FGF13: variants seen among roughly 807,000 people sequenced by gnomAD.
FGF13 encodes the protein fibroblast growth factor homologous factor 2.
Under a neutral mutation model 19.5 loss-of-function variants are expected in FGF13, and 2 were observed. The ratio of observed to expected loss-of-function variants is 0.10; its 90% confidence interval spans 0.04 to 0.32. The LOEUF (loss-of-function observed/expected upper bound fraction) is 0.32. Ranked by LOEUF, FGF13 falls within the 10% of genes least tolerant of loss-of-function variation. The probability of loss-of-function intolerance (pLI) is 1.00; values close to 1 mark genes in which losing one functional copy is unlikely to be tolerated. For synonymous variants in FGF13, 72 were observed against 76.9 expected (o/e 0.94, Z 0.33); for missense variants, 113 against 192.7 (o/e 0.59, Z 2.45).
At chrX:138,863,648 C>A (rs891588449) in intron 2 of FGF13, among the ~76,000 whole-genome samples, 3 of 111,966 alleles carry the variant, frequency 2.7e-5, no homozygotes, top group African/African-American at 9.7e-5. Flanking sequence ...GATAGTCATG[C>A]CTACATTGAA....
At chrX:139,204,956 C>G (rs1274196129), upstream of FGF13, 1 of 112,495 alleles carries the variant, frequency 8.9e-6, no homozygotes, top group Non-Finnish European at 1.9e-5. Flanking sequence ...ACCCACACCC[C>G]CTCGGAGCTC....
At chrX:139,014,914 T>C (rs1418171275) in intron 1 of FGF13, among the ~76,000 whole-genome samples, 1 of 111,384 alleles carries the variant, frequency 9.0e-6, no homozygotes. Context: ...TGGTTGAACA[T>C]ACAAAATCAA....
intron 1 of FGF13, among the ~76,000 whole-genome samples, chrX:139,170,750 G>A (rs959919509): frequency 6.3e-5 from 7 of 111,369 alleles, no homozygotes; most frequent in Admixed American, 9.6e-5. Context: ...ATATCTGTTC[G>A]TGACACTGCC....
intron 1 of FGF13, among the ~76,000 whole-genome samples, chrX:138,936,878 A>G (rs909439128): frequency 8.9e-6 from 1 of 111,814 alleles, no homozygotes; most frequent in Non-Finnish European, 1.9e-5. Context: ...GTTATAGGGT[A>G]AAGATTATAC....
At chrX:138,829,586 C>A (rs1052749775) in intron 3 of FGF13, among the ~76,000 whole-genome samples, 1 of 111,873 alleles carries the variant, frequency 8.9e-6, no homozygotes, top group Non-Finnish European at 1.9e-5. Flanking sequence ...CTCAGGTATT[C>A]CATATAGCAA....
intron 1 of FGF13, among the ~76,000 whole-genome samples, chrX:139,087,548 T>C (rs2083412311): frequency 8.9e-6 from 1 of 111,955 alleles, no homozygotes; most frequent in South Asian, 3.7e-4. Flanking sequence ...CCAAAATCTT[T>C]CGATAAACTG....
At chrX:139,200,995 C>T (rs1002234810) in intron 1 of FGF13, among the ~76,000 whole-genome samples, 4 of 112,016 alleles carry the variant, frequency 3.6e-5, no homozygotes, top group Non-Finnish European at 5.6e-5. Context: ...CCAAGAGCCG[C>T]GTGACTCAAA....
chrX:139,077,476 G>C (rs2083340267), intron 1 of FGF13, among the ~76,000 whole-genome samples: 1 of 111,424 alleles, frequency 9.0e-6, no homozygotes, highest in Non-Finnish European at 1.9e-5. Context: ...CATTCTTAGG[G>C]TTAGGGACAA....
chrX:139,015,254 T>C (rs1213549303), intron 1 of FGF13, among the ~76,000 whole-genome samples: 1 of 111,248 alleles, frequency 9.0e-6, no homozygotes, highest in Non-Finnish European at 1.9e-5. Flanking sequence ...GGCATCCAAG[T>C]TGAAAAGGAA....
At chrX:138,890,157 G>C (rs1028168781) in intron 1 of FGF13, among the ~76,000 whole-genome samples, 4 of 111,162 alleles carry the variant, frequency 3.6e-5, no homozygotes, top group African/African-American at 1.3e-4. Context: ...TCAAACTCCT[G>C]ACCTCAGGTG....
chrX:139,159,991 TAA>T (rs1330990149), intron 1 of FGF13, among the ~76,000 whole-genome samples: 1 of 111,536 alleles, frequency 9.0e-6, no homozygotes, highest in Non-Finnish European at 1.9e-5. Context: ...CAAGCAGACC[TAA>T]GAGACATCTA....
rs144985041 is a variant in FGF13 at position 139,023,615 on chromosome X, A to C, written c.-112-158965T>G. Reference sequence around the variant, plus strand: ...AAGAAAGTTCATACCAGGGTGATTCATAATTCTACAAAGGTGAAAATAACC... The same window carrying C: ...AAGAAAGTTCATACCAGGGTGATTCCTAATTCTACAAAGGTGAAAATAACC... On this transcript the variant is annotated intron_variant, in intron 1 of 2. Transcript: ENST00000421460. Among the ~76,000 whole-genome samples the C allele has an allele frequency of 9.4e-3, 1,053 of 111,798 alleles. 10 individuals are homozygous for C. Among genetic ancestry groups the C allele is most frequent in the African/African-American group, 0.032 (976 of 30,880 alleles).
At chrX:138,703,542 TCA>T (rs1199532373) in intron 2 of FGF13, among the ~76,000 whole-genome samples, 1 of 112,135 alleles carries the variant, frequency 8.9e-6, no homozygotes, top group Non-Finnish European at 1.9e-5. Context: ...GCTGAAATTC[TCA>T]CAGTCATATT....
chrX:139,143,997 G>A (rs2083867176), intron 1 of FGF13, among the ~76,000 whole-genome samples: 1 of 111,314 alleles, frequency 9.0e-6, no homozygotes, highest in Admixed American at 9.5e-5. Context: ...CCTTCCCAGT[G>A]GCCAGCTCTG....
At chrX:138,988,343 G>T (rs1202912527) in intron 1 of FGF13, among the ~76,000 whole-genome samples, 3 of 112,002 alleles carry the variant, frequency 2.7e-5, no homozygotes, top group African/African-American at 9.7e-5. Context: ...CAGGTGAAAA[G>T]GCATATACCA....
At chrX:138,874,158 AT>A (rs2091374715) in intron 1 of FGF13, among the ~76,000 whole-genome samples, 1 of 91,896 alleles carries the variant, frequency 1.1e-5, no homozygotes, top group Non-Finnish European at 2.2e-5. Context: ...TATAATAAAT[AT>A]ATATATATAT....
At chrX:139,120,840 T>C (rs2083672304) in intron 1 of FGF13, among the ~76,000 whole-genome samples, 1 of 112,759 alleles carries the variant, frequency 8.9e-6, no homozygotes, top group African/African-American at 3.2e-5. Context: ...AGCCGCAGAC[T>C]GAAGTCAGGC....
At chrX:138,796,193 G>A (rs1312300482) in intron 3 of FGF13, among the ~76,000 whole-genome samples, 1 of 109,862 alleles carries the variant, frequency 9.1e-6, no homozygotes, top group African/African-American at 3.3e-5. Context: ...CATGCATTAG[G>A]TATTTGTCCC....
intron 1 of FGF13, among the ~76,000 whole-genome samples, chrX:138,958,255 A>G (rs898821685): frequency 1.8e-5 from 2 of 111,834 alleles, no homozygotes; most frequent in Admixed American, 9.5e-5. Flanking sequence ...AATTTTGTCA[A>G]AGGCCTTTTC....
Sources: gnomAD v4.1 joint callset for allele counts (sites outside exome capture counted in the v4.1 genomes callset) on GRCh38, gnomAD v4.1.1 for gene constraint, MANE v1.5 for transcripts, NCBI Gene and HGNC (gene_info 2026-07-23, HGNC 2026-07-21) for gene names.